Variants in WWP1 observed in about 807,000 individuals in gnomAD.
The protein encoded by WWP1 is WW domain containing E3 ubiquitin protein ligase 1.
WWP1 carries 49 observed loss-of-function variants against 130.6 expected under a neutral mutation model. The ratio of observed to expected loss-of-function variants is 0.38; its 90% CI spans 0.30 to 0.48. The LOEUF is 0.48. WWP1 is among the 20% of genes least tolerant of loss of function. The probability of loss-of-function intolerance (pLI) is 0.99; values close to 1 mark genes in which losing one functional copy is unlikely to be tolerated. For synonymous variants in WWP1, 332 were observed against 367.8 expected, an observed-to-expected ratio of 0.90 and a Z score of 1.11; for missense variants, 809 against 1,100.6, an observed-to-expected ratio of 0.74 and a Z score of 3.75.
intron 18 of WWP1, 51 bp downstream of exon 18, chr8:86,442,829 AG>A: frequency 6.9e-7 from 1 of 1,448,950 alleles, no homozygotes; most frequent in Non-Finnish European, 9.1e-7. Flanking sequence ...CAAATGTATT[AG>A]AGAAGGCTTT....
In WWP1 at chr8:86,401,498, T is replaced by C. The variant is rs1807976615; in HGVS notation, c.540-521T>C. ...TTACTTGAGCCTAAGAGGTTGAAGC[T>C]GCAGTGAGCCACTGCACTCCAGCCT... On this transcript the variant is annotated intron_variant, in intron 7 of 24. Transcript: ENST00000517970. 2.0e-5 allele frequency among the ~76,000 whole-genome samples: 3 copies of C among 151,242 alleles called. No homozygotes were observed. The South Asian group carries it at 6.3e-4, about 32-fold the overall frequency.
At chr8:86,424,639 C>T (rs1809488777) in intron 9 of WWP1, among the ~76,000 whole-genome samples, 1 of 151,764 alleles carries the variant, frequency 6.6e-6, no homozygotes, top group Non-Finnish European at 1.5e-5. Flanking sequence ...CCCGTCTCCA[C>T]CAAAAAAATA....
intron 5 of WWP1, among the ~76,000 whole-genome samples, chr8:86,388,914 T>C (rs1825446242): frequency 6.6e-6 from 1 of 152,210 alleles, no homozygotes; most frequent in Non-Finnish European, 1.5e-5. Flanking sequence ...GACTTCTCTT[T>C]TCTTATTTAT....
rs116430111 is a variant in WWP1 at position 86,434,990 on chromosome 8, G to A, written c.1602-462G>A. On this transcript the variant is annotated intron_variant, in intron 14 of 24. Coordinates refer to ENST00000517970, the MANE Select transcript of WWP1 (RefSeq NM_007013.4). ...CTCTGCCTTTTCTCTCACTGACCAC[G>A]TGAACCGTGTGATCTGGATGACAAT... Among the ~76,000 whole-genome samples the A allele has an allele frequency of 9.9e-3, 1,504 of 152,258 alleles. 27 individuals carry two copies. Among genetic ancestry groups the A allele is most frequent in the African/African-American group, 0.034 (1,429 of 41,518 alleles).
intron 20 of WWP1, 84 bp from the exon 21 acceptor site, chr8:86,452,471 GAGAA>G (rs1334636209): frequency 6.0e-5 from 69 of 1,157,104 alleles, no homozygotes; most frequent in East Asian, 1.0e-4. Context: ...TTTAGAAAAA[GAGAA>G]AGAACTATAG....
intron 24 of WWP1, among the ~76,000 whole-genome samples, chr8:86,466,247 G>A (rs191642736): frequency 1.3e-5 from 2 of 152,284 alleles, no homozygotes; most frequent in Non-Finnish European, 2.9e-5. Flanking sequence ...AGTATGGCAA[G>A]ATTGAAAAAG....
intron 18 of WWP1, among the ~76,000 whole-genome samples, chr8:86,445,979 T>TTCTTTTCTTTTCTTTC (rs1245913180): frequency 4.0e-4 from 29 of 71,770 alleles, no homozygotes; most frequent in Admixed American, 9.0e-4. Context: ...TTCTTTTCTT[T>TTCTTTTCTTTTCTTTC]TTTTTTTTTT....
intron 1 of WWP1, among the ~76,000 whole-genome samples, chr8:86,365,191 A>C (rs573786413): frequency 4.6e-5 from 7 of 152,356 alleles, no homozygotes; most frequent in Admixed American, 1.3e-4. Context: ...GGTGATAACG[A>C]ATAGTAAGAA....
chr8:86,413,548 C>G lies in WWP1; in HGVS notation c.1061+1674C>G, dbSNP rs558950617. ...CAAAGAATACTTTCGAAAGCTATGACACGTCAGTGGATTCTGAAAGAAGAG... is the reference window on the plus strand; with the variant it reads ...CAAAGAATACTTTCGAAAGCTATGAGACGTCAGTGGATTCTGAAAGAAGAG... On this transcript the variant is annotated intron_variant, in intron 9 of 24. Transcript: ENST00000517970. 3.3e-5 allele frequency among the ~76,000 whole-genome samples: 5 copies of G among 152,296 alleles called. No homozygotes were observed. In the South Asian group the frequency reaches 1.0e-3, roughly 32 times the overall value.
At chr8:86,387,397 T>A (rs1825343747) in intron 5 of WWP1, among the ~76,000 whole-genome samples, 1 of 152,176 alleles carries the variant, frequency 6.6e-6, no homozygotes, top group African/African-American at 2.4e-5. Context: ...ACCACTTGTC[T>A]TGACCATAAT....
chr8:86,417,519 AAC>A (rs1254454325), intron 9 of WWP1, among the ~76,000 whole-genome samples: 1 of 152,222 alleles, frequency 6.6e-6, no homozygotes, highest in Non-Finnish European at 1.5e-5. Context: ...ATTTAGAACA[AAC>A]ACACTGAAAT....
chr8:86,419,559 A>T, intron 9 of WWP1, among the ~76,000 whole-genome samples: 1 of 152,244 alleles, frequency 6.6e-6, no homozygotes, highest in East Asian at 1.9e-4. Flanking sequence ...TCAGTGTGAA[A>T]TTTGACTGAT....
intron 3 of WWP1, among the ~76,000 whole-genome samples, chr8:86,376,785 C>T (rs1824680897): frequency 6.6e-6 from 1 of 152,158 alleles, no homozygotes; most frequent in African/African-American, 2.4e-5. Context: ...ATACAGTGAT[C>T]CTTTTGGGAA....
intron 24 of WWP1, among the ~76,000 whole-genome samples, chr8:86,466,288 T>C (rs1037591941): frequency 2.0e-5 from 3 of 152,218 alleles, no homozygotes; most frequent in Non-Finnish European, 4.4e-5. Context: ...TATATGTGGT[T>C]AGATTATTTG....
intron 1 of WWP1, among the ~76,000 whole-genome samples, chr8:86,363,201 AG>A (rs1223285040): frequency 3.3e-5 from 5 of 152,126 alleles, no homozygotes; most frequent in Non-Finnish European, 7.4e-5. Flanking sequence ...GATGGGGACG[AG>A]GAAACAACAA....
chr8:86,362,158 C>CAAGGCATATATATATATATATATATAT (rs1823683319), intron 1 of WWP1, among the ~76,000 whole-genome samples: 2 of 52,296 alleles, frequency 3.8e-5, no homozygotes, highest in Admixed American at 4.7e-4. Flanking sequence ...TATATATATA[C>CAAGGCATATATATATATATATATATAT]AAGGCATATA....
chr8:86,440,494 C>A (rs1810533372), intron 17 of WWP1: 1 of 243,350 alleles, frequency 4.1e-6, no homozygotes. Flanking sequence ...TGTTTTCTAG[C>A]ATTGAATGTT....
chr8:86,458,390 C>G (rs1470855158), intron 22 of WWP1, among the ~76,000 whole-genome samples: 3 of 152,072 alleles, frequency 2.0e-5, no homozygotes, highest in African/African-American at 7.2e-5. Context: ...ACTTTAATTC[C>G]TCTGAGGTAA....
In WWP1 at chr8:86,448,425, G is replaced by A; in HGVS notation, c.2185G>A (p.Glu729Lys). 6.2e-7 allele frequency: 1 copy of A among 1,613,646 alleles called. No homozygotes were observed. Among genetic ancestry groups the A allele is most frequent in the East Asian group, 2.2e-5 (1 of 44,784 alleles). Reference sequence around the variant, plus strand: ...AGAAATGTACTTTTCTGTTGACATGGAGATTTTGGGAAAAGTTACTTCACA... The same window carrying A: ...AGAAATGTACTTTTCTGTTGACATGAAGATTTTGGGAAAAGTTACTTCACA... Reference protein sequence around the residue: ...GLEMYFSVDMEILGKVTSHDL... With the variant: ...GLEMYFSVDMKILGKVTSHDL... The change falls in exon 20 of 25, where the codon GAG becomes AAG. Residue 729 changes from glutamate to lysine, a missense_variant. By Grantham distance (56) the Glu-to-Lys change is moderately conservative. Coordinates refer to ENST00000517970, the MANE Select transcript of WWP1 (RefSeq NM_007013.4).
Sources: allele counts gnomAD v4.1 joint callset (sites outside exome capture counted in the v4.1 genomes callset), GRCh38; gene constraint gnomAD v4.1.1; transcripts MANE v1.5; gene names NCBI Gene and HGNC (gene_info 2026-07-23, HGNC 2026-07-21).